DNAI4: variants seen among roughly 807,000 people sequenced by gnomAD.
The protein encoded by DNAI4 is dynein axonemal intermediate chain 4.
In DNAI4, 85 loss-of-function variants were observed where a neutral mutation model predicts 105.8. The ratio of observed to expected loss-of-function variants is 0.80; its 90% confidence interval spans 0.67 to 0.96. The LOEUF (loss-of-function observed/expected upper bound fraction) is 0.96, where lower values mean the gene tolerates loss of function less well. Ranked by LOEUF, DNAI4 falls within the 40% of genes least tolerant of loss-of-function variation. The pLI, the probability that DNAI4 is intolerant of heterozygous loss-of-function variation, is 0.00. For synonymous variants in DNAI4, 352 were observed against 331.5 expected (o/e 1.06, Z -0.67); for missense variants, 1,014 against 1,005.6 (o/e 1.01, Z -0.11).
intron 11 of DNAI4, among the ~76,000 whole-genome samples, chr1:66,835,352 G>C (rs1645962247): frequency 6.6e-6 from 1 of 152,174 alleles, no homozygotes; most frequent in Non-Finnish European, 1.5e-5. Flanking sequence ...ACATTTTCTG[G>C]AAGAAGTGAA....
At chr1:66,891,867 C>G (rs1647681924) in intron 3 of DNAI4, among the ~76,000 whole-genome samples, 1 of 152,188 alleles carries the variant, frequency 6.6e-6, no homozygotes, top group South Asian at 2.1e-4. Context: ...ACCTACCCAG[C>G]ATATTCATCT....
In DNAI4 at chr1:66,837,856, T is replaced by C. The variant is rs537170827; in HGVS notation, c.1495-60A>G. 29 of 1,424,490 alleles carry C rather than the reference T, an allele frequency of 2.0e-5. No homozygotes were observed. In the African/African-American group the frequency reaches 4.2e-4, roughly 21 times the overall value. 88.2% of individuals were successfully genotyped at this position (1,424,490 alleles called of 1,614,324 possible). A position where few individuals can be genotyped will look rare whatever the true frequency, so the allele number is the denominator to read the frequency against. ...AAGATAGCATTAAAATATTGGTAAA[T>C]GTATAAAGATATATATTAATGAGCT... On this transcript the variant is annotated intron_variant, in intron 9 of 16. Coordinates refer to ENST00000371026, the MANE Select transcript of DNAI4 (RefSeq NM_024763.5).
chr1:66,916,564 G>A (rs1470776880), intron 1 of DNAI4, among the ~76,000 whole-genome samples: 1 of 152,136 alleles, frequency 6.6e-6, no homozygotes, highest in African/African-American at 2.4e-5. Flanking sequence ...TGTGAAAGAG[G>A]TTGGAATGTG....
intron 8 of DNAI4, among the ~76,000 whole-genome samples, chr1:66,840,994 G>T (rs1646137765): frequency 6.6e-6 from 1 of 152,162 alleles, no homozygotes; most frequent in African/African-American, 2.4e-5. Context: ...GTTGTAAAAG[G>T]TGCCAGGTAC....
intron 13 of DNAI4, among the ~76,000 whole-genome samples, chr1:66,830,401 AGGCCAG>A (rs1162334380): frequency 6.6e-6 from 1 of 152,154 alleles, no homozygotes; most frequent in East Asian, 1.9e-4. Flanking sequence ...GCACTTTGGG[AGGCCAG>A]GGCAGGAGGA....
chr1:66,841,903 C>T (rs1345983268), intron 8 of DNAI4, among the ~76,000 whole-genome samples: 3 of 152,140 alleles, frequency 2.0e-5, no homozygotes, highest in South Asian at 2.1e-4. Flanking sequence ...CTTTGACAAA[C>T]GTGTATAATG....
At chr1:66,864,511 A>G (rs997730932) in intron 6 of DNAI4, among the ~76,000 whole-genome samples, 7 of 152,220 alleles carry the variant, frequency 4.6e-5, no homozygotes, top group East Asian at 3.8e-4. Context: ...CAGAGGTGAT[A>G]TGGGCAGTTC....
intron 9 of DNAI4, 146 bp downstream of exon 9, chr1:66,840,323 T>G: frequency 1.4e-6 from 1 of 697,462 alleles, no homozygotes; most frequent in Non-Finnish European, 2.4e-6. Context: ...AAACTGGAAC[T>G]TGTTTTAGGG....
rs1463150523 is a variant in DNAI4, at chr1:66,862,133, A to G, written c.1096+14T>C. 8.3e-6 allele frequency: 13 copies of G among 1,557,912 alleles called. No homozygotes were observed. Among genetic ancestry groups the G allele is most frequent in the Non-Finnish European group, 1.1e-5 (13 of 1,159,938 alleles). On this transcript the variant is annotated intron_variant, in intron 7 of 16. Transcript: ENST00000371026. Reference sequence around the variant, plus strand: ...TAAAGTCATTCAAAAAAACTAAAATAAATGAAATCTTACTTTTTTCTGTAG... The same window carrying G: ...TAAAGTCATTCAAAAAAACTAAAATGAATGAAATCTTACTTTTTTCTGTAG...
At chr1:66,922,472 G>A (rs527764732) in intron 1 of DNAI4, among the ~76,000 whole-genome samples, 1 of 152,318 alleles carries the variant, frequency 6.6e-6, no homozygotes, top group South Asian at 2.1e-4. Context: ...AAGAGGAAGA[G>A]TCTATAGTGA....
intron 7 of DNAI4, chr1:66,848,055 C>G (rs1646315578): frequency 2.7e-6 from 1 of 370,456 alleles, no homozygotes; most frequent in African/African-American, 2.1e-5. Context: ...GCTGCTGTAA[C>G]AAATCACAGT....
Position 66,859,677 on chromosome 1 carries a change from T to A in DNAI4, c.1096+2470A>T, listed in dbSNP as rs557289112. Reference sequence around the variant, plus strand: ...ATAGAGGAGGCTTAAGTGCATATCGTTTAGTAAAAGGAGCCAGTCTCAGAA... The same window carrying A: ...ATAGAGGAGGCTTAAGTGCATATCGATTAGTAAAAGGAGCCAGTCTCAGAA... On this transcript the variant is annotated intron_variant, in intron 7 of 16. Coordinates refer to ENST00000371026, the MANE Select transcript of DNAI4 (RefSeq NM_024763.5). Among the ~76,000 whole-genome samples, 4 of 152,276 alleles carry A rather than the reference T, an allele frequency of 2.6e-5. No homozygotes were observed. In the East Asian group the frequency reaches 7.7e-4, roughly 29 times the overall value.
In DNAI4 at chr1:66,836,149, AAAG is replaced by A. The variant is rs1203288801; in HGVS notation, c.1582-375_1582-373del. ...TCAGAAAGAAAGAAAGAAAAGAAAG[AAAG>A]AAAGAAAGAAAGAAAGAAAGAAAGA... is the stretch of plus-strand genomic sequence containing the variant. On this transcript the variant is annotated intron_variant, in intron 10 of 16. Coordinates refer to ENST00000371026, the MANE Select transcript of DNAI4 (RefSeq NM_024763.5). 3.3e-4 allele frequency among the ~76,000 whole-genome samples: 11 copies of A among 32,872 alleles called. No individual in the cohort carries two copies. The Admixed American group carries it at 3.8e-3, about 11-fold the overall frequency. 21.6% of individuals were successfully genotyped at this position (32,872 alleles called of 152,430 possible). A position where few individuals can be genotyped will look rare whatever the true frequency, so the allele number is the denominator to read the frequency against.
At chr1:66,916,640 G>A (rs958296247) in intron 1 of DNAI4, among the ~76,000 whole-genome samples, 1 of 152,134 alleles carries the variant, frequency 6.6e-6, no homozygotes, top group Non-Finnish European at 1.5e-5. Context: ...TACTGTCAAA[G>A]GCACACTGAT....
intron 1 of DNAI4, among the ~76,000 whole-genome samples, chr1:66,916,188 A>T (rs754765100): frequency 6.6e-6 from 1 of 151,904 alleles, no homozygotes; most frequent in Non-Finnish European, 1.5e-5. Flanking sequence ...AGAAAGTTCA[A>T]GCATATCATG....
chr1:66,833,485 T>C, intron 13 of DNAI4, 100 bp downstream of exon 13: 1 of 1,347,908 alleles, frequency 7.4e-7, no homozygotes. Flanking sequence ...AGGCACAGTA[T>C]TCATTAACAG....
chr1:66,899,407 G>A (rs188733636), intron 2 of DNAI4, among the ~76,000 whole-genome samples: 2 of 152,190 alleles, frequency 1.3e-5, no homozygotes, highest in East Asian at 1.9e-4. Context: ...CTTGAGAAAT[G>A]AGCATTCAGA....
intron 4 of DNAI4, among the ~76,000 whole-genome samples, chr1:66,887,973 A>T (rs972520138): frequency 2.6e-5 from 4 of 152,120 alleles, no homozygotes; most frequent in African/African-American, 9.6e-5. Flanking sequence ...AAAAAAATCT[A>T]CTACTACCTA....
chr1:66,840,415 G>C, intron 9 of DNAI4, 54 bp downstream of exon 9: 8 of 1,506,366 alleles, frequency 5.3e-6, no homozygotes, highest in East Asian at 4.5e-5. Context: ...ATTCGAACTT[G>C]ATAATTTCCC....
Sources: allele counts gnomAD v4.1 joint callset (sites outside exome capture counted in the v4.1 genomes callset), GRCh38; gene constraint gnomAD v4.1.1; transcripts MANE v1.5; gene names NCBI Gene and HGNC (gene_info 2026-07-23, HGNC 2026-07-21).